Variants in FXR1 observed in about 807,000 individuals in gnomAD.
The protein encoded by FXR1 is FMR1 autosomal homolog 1.
Under a neutral mutation model 84.0 loss-of-function variants are expected in FXR1, and 15 were observed. The ratio of observed to expected loss-of-function variants is 0.18; its 90% CI spans 0.12 to 0.27. FXR1 has a LOEUF of 0.27. Ranked by LOEUF, FXR1 falls within the 10% of genes least tolerant of loss-of-function variation. The pLI, the probability that FXR1 is intolerant of heterozygous loss-of-function variation, is 1.00. For missense variants in FXR1, 480 were observed against 774.4 expected (o/e 0.62, Z 4.51); for synonymous variants, 245 against 250.7 (o/e 0.98, Z 0.21).
intron 3 of FXR1, among the ~76,000 whole-genome samples, chr3:180,946,334 G>C (rs1205480322): frequency 6.6e-6 from 1 of 152,142 alleles, no homozygotes; most frequent in Non-Finnish European, 1.5e-5. Flanking sequence ...GATGAATGTT[G>C]ATGAAATTGT....
intron 8 of FXR1, 132 bp from the exon 9 acceptor site, chr3:180,953,630 G>A: frequency 1.8e-6 from 1 of 550,482 alleles, no homozygotes. Context: ...TCTCTCCCCA[G>A]TGGAATGAGC....
intron 10 of FXR1, among the ~76,000 whole-genome samples, chr3:180,960,718 G>A (rs1711991009): frequency 6.6e-6 from 1 of 152,112 alleles, no homozygotes; most frequent in Non-Finnish European, 1.5e-5. Context: ...ACCTGCCTCA[G>A]CCTCCCAAAG....
At chr3:180,952,456 C>T (rs1722321760) in intron 8 of FXR1, among the ~76,000 whole-genome samples, 1 of 151,988 alleles carries the variant, frequency 6.6e-6, no homozygotes, top group Non-Finnish European at 1.5e-5. Flanking sequence ...AGTTTGGATG[C>T]TGAAGCAGGA....
rs1191188215 is a variant in FXR1 at position 180,981,765 on chromosome 3, G to A, written c.*5473G>A. 3 of 152,074 alleles carry A rather than the reference G, an allele frequency of 2.0e-5. No individual in the cohort carries two copies. The highest frequency in any genetic ancestry group is 6.6e-5 in the Admixed American group (1 of 15,262). The allele number at this position is 152,074 out of a possible 1,614,324, so 9.4% of individuals were successfully genotyped here. A position where few individuals can be genotyped will look rare whatever the true frequency, so the allele number is the denominator to read the frequency against. ...ACTTTTGTTTCCCAAGCCATAAAAT[G>A]TGGAAGAATCTTCACAATTTCAAGT... On this transcript the variant is annotated 3_prime_UTR_variant, in exon 17 of 17. Coordinates refer to ENST00000357559, the MANE Select transcript of FXR1 (RefSeq NM_005087.4).
At chr3:180,945,667 C>A (rs1046698502) in intron 3 of FXR1, among the ~76,000 whole-genome samples, 1 of 152,142 alleles carries the variant, frequency 6.6e-6, no homozygotes, top group Non-Finnish European at 1.5e-5. Context: ...GCTTTGGCTC[C>A]CCAAAGTTTT....
At chr3:180,956,804 T>C (rs1722784034) in intron 9 of FXR1, among the ~76,000 whole-genome samples, 1 of 152,170 alleles carries the variant, frequency 6.6e-6, no homozygotes, top group Non-Finnish European at 1.5e-5. Flanking sequence ...TTATAGTCCT[T>C]TTATTGTACT....
At position 180,934,660 on chromosome 3, in the gene FXR1, T is replaced by A. The variant is rs138714681; in HGVS notation, c.105-478T>A. Among the ~76,000 whole-genome samples, 84 of 152,334 alleles carry A rather than the reference T, an allele frequency of 5.5e-4. 1 individual carries two copies. Among genetic ancestry groups the A allele is most frequent in the African/African-American group, 1.9e-3 (79 of 41,584 alleles). ...TTTTCTGTATTTCTGTGAACATGTA[T>A]ACTAAAAAGAATTACACAGTTTATA... On this transcript the variant is annotated intron_variant, in intron 2 of 16. Coordinates refer to ENST00000357559, the MANE Select transcript of FXR1 (RefSeq NM_005087.4).
At chr3:180,939,226 C>T (rs1720863201) in intron 3 of FXR1, among the ~76,000 whole-genome samples, 1 of 152,134 alleles carries the variant, frequency 6.6e-6, no homozygotes, top group South Asian at 2.1e-4. Context: ...TTTTCTACAT[C>T]TGCTTCCCTG....
chr3:180,918,988 C>T (rs1718229959), intron 1 of FXR1, among the ~76,000 whole-genome samples: 2 of 152,188 alleles, frequency 1.3e-5, no homozygotes, highest in African/African-American at 4.8e-5. Flanking sequence ...ATTTCTTTAA[C>T]CATTATGGTG....
intron 10 of FXR1, 152 bp from the exon 11 acceptor site, chr3:180,961,316 G>C (rs1712064691): frequency 1.9e-6 from 1 of 537,118 alleles, no homozygotes; most frequent in Non-Finnish European, 3.3e-6. Flanking sequence ...CTGTAGCCTG[G>C]GCAACAGAGC....
chr3:180,912,903 C>T (rs1431600934), intron 1 of FXR1, among the ~76,000 whole-genome samples, 167 bp downstream of exon 1: 1 of 152,112 alleles, frequency 6.6e-6, no homozygotes, highest in Non-Finnish European at 1.5e-5. Context: ...GTTTAACGGT[C>T]TCGGGGGCCG....
At chr3:180,924,978 T>C (rs1440228310) in intron 1 of FXR1, among the ~76,000 whole-genome samples, 2 of 152,210 alleles carry the variant, frequency 1.3e-5, no homozygotes, top group Admixed American at 6.5e-5. Context: ...AAGAAATTCA[T>C]TAAAACATAT....
At chr3:180,915,108 A>C (rs1717725891) in intron 1 of FXR1, 1 of 202,008 alleles carries the variant, frequency 5.0e-6, no homozygotes, top group Non-Finnish European at 9.4e-6. Context: ...TATCCTATTA[A>C]ACTGCTGACT....
chr3:180,918,083 T>G (rs1041926970), intron 1 of FXR1, among the ~76,000 whole-genome samples: 2 of 152,032 alleles, frequency 1.3e-5, no homozygotes, highest in Non-Finnish European at 2.9e-5. Flanking sequence ...TCTAGAGAGA[T>G]ACTGTCAAGG....
intron 1 of FXR1, 144 bp downstream of exon 1, chr3:180,912,880 C>T (rs933095529): frequency 3.5e-5 from 51 of 1,449,216 alleles, no homozygotes; most frequent in East Asian, 2.3e-5. Flanking sequence ...TGCTTCTCCC[C>T]CCTCCACCCG....
chr3:180,932,421 T>A, intron 1 of FXR1, among the ~76,000 whole-genome samples: 1 of 152,184 alleles, frequency 6.6e-6, no homozygotes, highest in East Asian at 1.9e-4. Flanking sequence ...TAATGTTAAT[T>A]GTAATTATAT....
At chr3:180,964,656 A>G (rs1272110056) in intron 13 of FXR1, among the ~76,000 whole-genome samples, 1 of 135,166 alleles carries the variant, frequency 7.4e-6, no homozygotes, top group African/African-American at 3.0e-5. Context: ...ATTATATCAG[A>G]GGGACTTGTA....
chr3:180,931,803 T>C (rs1469857121), intron 1 of FXR1, among the ~76,000 whole-genome samples: 8 of 141,502 alleles, frequency 5.7e-5, no homozygotes, highest in African/African-American at 2.2e-4. Context: ...TGCAGCAGCA[T>C]GGTTATGGCT....
intron 13 of FXR1, among the ~76,000 whole-genome samples, chr3:180,967,211 G>T (rs1177166975): frequency 6.6e-6 from 1 of 152,054 alleles, no homozygotes; most frequent in Admixed American, 6.6e-5. Flanking sequence ...AAAAGTAAAA[G>T]TAGTTACTTT....
Sources: allele counts gnomAD v4.1 joint callset (sites outside exome capture counted in the v4.1 genomes callset), GRCh38; gene constraint gnomAD v4.1.1; transcripts MANE v1.5; gene names NCBI Gene and HGNC (gene_info 2026-07-23, HGNC 2026-07-21).